Variants in CPSF1 observed in about 807,000 individuals in gnomAD.
CPSF1 encodes cleavage and polyadenylation specificity factor subunit 1.
In CPSF1, 106 loss-of-function variants were observed where a neutral mutation model predicts 175.8. The observed-to-expected ratio is 0.60, with a 90% CI of 0.52 to 0.71. CPSF1 has a LOEUF of 0.71. CPSF1 is among the 30% of genes least tolerant of loss of function. The pLI, the probability that CPSF1 is intolerant of heterozygous loss-of-function variation, is 0.00. For synonymous variants in CPSF1, 1,024 were observed against 858.3 expected, an observed-to-expected ratio of 1.19 and a Z score of -3.37; for missense variants, 1,734 against 2,022.9, an observed-to-expected ratio of 0.86 and a Z score of 2.74.
intron 9 of CPSF1, 35 bp downstream of exon 9, chr8:144,400,131 C>T: frequency 1.8e-6 from 2 of 1,131,460 alleles, no homozygotes; most frequent in African/African-American, 2.4e-5. Context: ...CAAGCCGTCC[C>T]CGGGCCCCCC....
At chr8:144,407,217 C>CTT (rs797033988) in intron 2 of CPSF1, among the ~76,000 whole-genome samples, 17 of 138,446 alleles carry the variant, frequency 1.2e-4, no homozygotes, top group African/African-American at 1.3e-4. Flanking sequence ...CGTGCCTGGC[C>CTT]TTTTTTTTTT....
chr8:144,395,785 G>A (rs1820686404), intron 26 of CPSF1: 2 of 586,636 alleles, frequency 3.4e-6, no homozygotes, highest in Admixed American at 3.0e-5. Flanking sequence ...CACAGGGGAT[G>A]GGAAAGCTAG....
At position 144,397,769 on chromosome 8, in the gene CPSF1, C is replaced by T; in HGVS notation, c.2184G>A (p.Glu728=). Reference sequence around the variant, plus strand: ...TAGTCTCTGAGCCCAGGCCCTCGGCCTCCGGGCCACTGCGGCCCCCGAGCT... The same window carrying T: ...TAGTCTCTGAGCCCAGGCCCTCGGCTTCCGGGCCACTGCGGCCCCCGAGCT... The part of the protein sequence containing the change: ...RDELGGRSGP[E]AEGLGSETSP... Residue 728 remains glutamate, a synonymous_variant, in exon 21 of 38, where the codon GAG becomes GAA. Coordinates refer to ENST00000616140, the MANE Select transcript of CPSF1 (RefSeq NM_013291.3). The T allele has an allele frequency of 6.2e-7, 1 of 1,609,464 alleles. No individual in the cohort carries two copies. Among genetic ancestry groups the T allele is most frequent in the Non-Finnish European group, 8.5e-7 (1 of 1,178,126 alleles).
At chr8:144,400,135 G>GGCGCCC in intron 9 of CPSF1, 31 bp downstream of exon 9, 4 of 896,004 alleles carry the variant, frequency 4.5e-6, no homozygotes, top group South Asian at 1.6e-5. Flanking sequence ...CCGTCCCCGG[G>GGCGCCC]CCCCCCCCGC....
Position 144,400,333 on chromosome 8 carries a change from A to G in CPSF1, c.826+21T>C, listed in dbSNP as rs2116874522. On this transcript the variant is annotated intron_variant, in intron 8 of 37. Transcript: ENST00000616140. ...CAGTGCTCTCTCCACACACTCCCCT[A>G]TCCACTCCCAGGACACACACCTATG... The G allele has an allele frequency of 2.5e-6, 4 of 1,613,574 alleles. No individual in the cohort carries two copies. In the South Asian group the frequency reaches 3.3e-5, roughly 13 times the overall value.
chr8:144,393,293 G>A lies in CPSF1; in HGVS notation c.*25C>T, dbSNP rs781793852. The A allele has an allele frequency of 4.3e-5, 64 of 1,482,986 alleles. No homozygotes were observed. The highest frequency in any genetic ancestry group is 5.6e-5 in the Non-Finnish European group (62 of 1,110,018). The allele number at this position is 1,482,986 out of a possible 1,614,324, so 91.9% of individuals were successfully genotyped here. A position where few individuals can be genotyped will look rare whatever the true frequency, so the allele number is the denominator to read the frequency against. On this transcript the variant is annotated 3_prime_UTR_variant, in exon 38 of 38. Coordinates refer to ENST00000616140, the MANE Select transcript of CPSF1 (RefSeq NM_013291.3). ...AAGGGGGTGGGAGGTAGTTCCGTGT[G>A]CTGGTGGTGACGGCATCCACGGGGC...
intron 32 of CPSF1, 32 bp downstream of exon 32, chr8:144,394,347 C>CCCAGA: frequency 1.3e-6 from 2 of 1,590,030 alleles, no homozygotes; most frequent in Non-Finnish European, 1.7e-6. Flanking sequence ...CGGGTACCCA[C>CCCAGA]CCAGACACGA....
In CPSF1 at chr8:144,396,919, T is replaced by C; in HGVS notation, c.2603A>G (p.Asp868Gly). The stretch of plus-strand genomic sequence containing the variant: ...GGCCTCGTAGATAAGCAGCTCTTGG[T>C]CCACATGCACCTGGCAGGATGAGGG... Reference protein sequence around the residue: ...QSRPYLLVHVDQELLIYEAFP... With the variant: ...QSRPYLLVHVGQELLIYEAFP... Residue 868 changes from aspartate (D) to glycine (G), a missense_variant, in exon 24 of 38, where the codon GAC becomes GGC. Asp to Gly is a moderately conservative substitution (Grantham distance 94). Transcript: ENST00000616140. 1 of 1,612,654 alleles carries C rather than the reference T, an allele frequency of 6.2e-7. No individual in the cohort carries two copies. Among genetic ancestry groups the C allele is most frequent in the Non-Finnish European group, 8.5e-7 (1 of 1,179,228 alleles).
intron 2 of CPSF1, among the ~76,000 whole-genome samples, chr8:144,403,952 C>T (rs113688590): frequency 0.95 from 144,764 of 151,720 alleles, 69,443 homozygotes; most frequent in East Asian, 1. Flanking sequence ...CAGTGGCTCA[C>T]GCCTGTAATC....
In CPSF1 at chr8:144,395,092, C is replaced by G. The variant is rs1443833539; in HGVS notation, c.3272+6G>C. 5.0e-6 allele frequency: 8 copies of G among 1,607,616 alleles called. No homozygotes were observed. In the Admixed American group the frequency reaches 6.7e-5, roughly 13 times the overall value. On this transcript the variant is annotated splice_donor_region_variant and intron_variant, in intron 29 of 37. Coordinates refer to ENST00000616140, the MANE Select transcript of CPSF1 (RefSeq NM_013291.3). The stretch of plus-strand genomic sequence containing the variant: ...GCAGACCCCACCCCCGCCGGCCCAG[C>G]CTCACCTGGCATTGGGAATAGCCTC...
intron 2 of CPSF1, 106 bp downstream of exon 2, chr8:144,408,909 G>A: frequency 1.4e-6 from 2 of 1,383,306 alleles, no homozygotes; most frequent in Non-Finnish European, 9.9e-7. Flanking sequence ...GGAACGTTAA[G>A]CAAATCACTC....
intron 5 of CPSF1, 46 bp downstream of exon 5, chr8:144,401,165 A>G (rs1586628412): frequency 1.4e-6 from 1 of 697,330 alleles, no homozygotes. Context: ...AGGGGGAGGG[A>G]GGGTGGCTGG....
rs565783614 is a variant in CPSF1 at position 144,396,431 on chromosome 8, T to C, written c.2896A>G (p.Met966Val). Residue 966 changes from methionine to valine, a missense_variant, in exon 26 of 38, where the codon ATG (methionine) becomes GTG (valine). Physicochemically the swap from Met to Val is conservative, Grantham distance 21. Transcript: ENST00000616140. ...GAGTCGACCGGGCCGTCGATGGCCA[T>C]GGGGTGTAGCCGCAGAGCCCCTCGG... ...TGRGALRLHPMAIDGPVDSFA... is the reference protein window; with the variant it reads ...TGRGALRLHPVAIDGPVDSFA... The C allele has an allele frequency of 1.3e-6, 2 of 1,596,306 alleles. No homozygotes were observed. The highest frequency in any genetic ancestry group is 1.7e-6 in the Non-Finnish European group (2 of 1,173,140).
At position 144,398,634 on chromosome 8, in the gene CPSF1, TC is replaced by T; in HGVS notation, c.1642del (p.Asp548ThrfsTer28). ...VIAPVRKEEE[D>X]NPKGEGTEQE... ...CTCTGTGCCCTCCCCCTTGGGATTG[TC>T]CTCCTGTCAGGGCCAAAGGGGGGCA... On this transcript the variant is annotated frameshift_variant, in exon 18 of 38. Coordinates refer to ENST00000616140, the MANE Select transcript of CPSF1 (RefSeq NM_013291.3). LOFTEE classifies it high-confidence loss of function. The T allele has an allele frequency of 6.2e-7, 1 of 1,613,770 alleles. No individual in the cohort carries two copies. The highest frequency in any genetic ancestry group is 8.5e-7 in the Non-Finnish European group (1 of 1,179,944).
intron 2 of CPSF1, among the ~76,000 whole-genome samples, chr8:144,404,660 G>A (rs1390472593): frequency 3.3e-5 from 5 of 151,544 alleles, no homozygotes; most frequent in African/African-American, 9.7e-5. Flanking sequence ...GTGAGCCACT[G>A]CGCCCGGCCA....
At chr8:144,406,616 A>G (rs1021939444) in intron 2 of CPSF1, among the ~76,000 whole-genome samples, 11 of 152,212 alleles carry the variant, frequency 7.2e-5, no homozygotes, top group Non-Finnish European at 1.3e-4. Flanking sequence ...CTTGACCTCC[A>G]TACCAGACCT....
In CPSF1 at chr8:144,396,106, G is replaced by A. The variant is rs114295098; in HGVS notation, c.2979+242C>T. On this transcript the variant is annotated intron_variant, in intron 26 of 37. Transcript: ENST00000616140. ...CAGGCCCTGCGAGGGCTTGCCCGGC[G>A]AGCCGGCAGAGCAGTGGTGGGGACC... 2.1e-3 allele frequency: 1,180 copies of A among 555,992 alleles called. 13 individuals are homozygous for A. Among genetic ancestry groups the A allele is most frequent in the African/African-American group, 0.02 (1,079 of 53,290 alleles). 34.4% of individuals were successfully genotyped at this position (555,992 alleles called of 1,614,324 possible).
Position 144,394,753 on chromosome 8 carries a change from T to C in CPSF1, c.3458A>G (p.Gln1153Arg). 1 of 1,613,664 alleles carries C rather than the reference T, an allele frequency of 6.2e-7. No homozygotes were observed. Among genetic ancestry groups the C allele is most frequent in the Non-Finnish European group, 8.5e-7 (1 of 1,179,968 alleles). ...DVIEVVPEPGQPLTKNKFKVL... is the reference protein window; with the variant it reads ...DVIEVVPEPGRPLTKNKFKVL... ...TTTGAACTTGTTCTTGGTCAAGGGC[T>C]GGCCAGGCTCGGGCACCACCTCAAT... Residue 1153 changes from glutamine (Q) to arginine (R), a missense_variant, in exon 31 of 38, where the codon CAG (glutamine) becomes CGG (arginine). Physicochemically the swap from Gln to Arg is conservative, Grantham distance 43. This residue lies in a region of CPSF1 where 62 missense variants were observed against 124.5 expected (regional missense o/e 0.50). Transcript: ENST00000616140.
intron 23 of CPSF1, 129 bp downstream of exon 23, chr8:144,397,078 G>A: frequency 2.0e-6 from 2 of 997,584 alleles, no homozygotes; most frequent in South Asian, 1.6e-5. Flanking sequence ...AGGGAGATGG[G>A]GTGGAGCCAC....
Sources: allele counts gnomAD v4.1 joint callset (sites outside exome capture counted in the v4.1 genomes callset), GRCh38; gene constraint gnomAD v4.1.1; regional missense constraint gnomAD v4.1.1; transcripts MANE v1.5; gene names NCBI Gene and HGNC (gene_info 2026-07-23, HGNC 2026-07-21).